Variants in ARHGAP26 observed in about 807,000 individuals in gnomAD.
ARHGAP26 encodes rho GTPase-activating protein 26.
In ARHGAP26, 38 loss-of-function variants were observed where a neutral mutation model predicts 104.8. The observed-to-expected ratio is 0.36, with a 90% CI of 0.28 to 0.48. ARHGAP26 has a LOEUF of 0.48. Ranked by LOEUF, ARHGAP26 falls within the 20% of genes least tolerant of loss-of-function variation. The pLI, the probability that ARHGAP26 is intolerant of heterozygous loss-of-function variation, is 0.99. For missense variants in ARHGAP26, 704 were observed against 947.9 expected (o/e 0.74, Z 3.38); for synonymous variants, 341 against 340.0 (o/e 1.00, Z -0.03).
chr5:143,080,243 T>C (rs1370729008), intron 17 of ARHGAP26, among the ~76,000 whole-genome samples: 1 of 152,208 alleles, frequency 6.6e-6, no homozygotes, highest in African/African-American at 2.4e-5. Context: ...TCTTAGAGCT[T>C]AAAGTTAAAT....
At chr5:142,992,440 A>AT (rs538548504) in intron 11 of ARHGAP26, among the ~76,000 whole-genome samples, 155 of 146,254 alleles carry the variant, frequency 1.1e-3, no homozygotes, top group African/African-American at 2.5e-3. Flanking sequence ...TTTATTTTTT[A>AT]TTTTTTTTTT....
intron 5 of ARHGAP26, among the ~76,000 whole-genome samples, chr5:142,891,887 T>C (rs559829731): frequency 2.4e-4 from 36 of 152,084 alleles, no homozygotes; most frequent in African/African-American, 8.5e-4. Context: ...TTTGAAGGAA[T>C]GATTTGACAC....
chr5:143,020,129 C>T (rs1458087685), intron 12 of ARHGAP26, among the ~76,000 whole-genome samples: 1 of 152,170 alleles, frequency 6.6e-6, no homozygotes, highest in Non-Finnish European at 1.5e-5. Context: ...TCCAGGCTTC[C>T]TGTAGCTCTT....
At chr5:143,216,692 A>T (rs1810396418) in intron 22 of ARHGAP26, 1 of 159,458 alleles carries the variant, frequency 6.3e-6, no homozygotes, top group African/African-American at 2.4e-5. Context: ...GTCATGGCAG[A>T]GTTCGCTGAC....
At chr5:142,910,131 A>C (rs1389433043) in intron 9 of ARHGAP26, among the ~76,000 whole-genome samples, 1 of 152,096 alleles carries the variant, frequency 6.6e-6, no homozygotes, top group Non-Finnish European at 1.5e-5. Context: ...CTTACATTTA[A>C]ATTATGTTTT....
intron 1 of ARHGAP26, among the ~76,000 whole-genome samples, chr5:142,799,132 A>G (rs1406086835): frequency 6.6e-6 from 1 of 152,052 alleles, no homozygotes; most frequent in East Asian, 1.9e-4. Flanking sequence ...GAGTAAAGTA[A>G]TGCTGCAGGT....
intron 11 of ARHGAP26, among the ~76,000 whole-genome samples, chr5:142,935,747 G>A (rs1052154435): frequency 2.0e-5 from 3 of 152,186 alleles, no homozygotes; most frequent in Non-Finnish European, 2.9e-5. Context: ...AAGCATTGTT[G>A]TATGAGGGAA....
At chr5:143,197,927 C>A (rs1049390086) in intron 20 of ARHGAP26, among the ~76,000 whole-genome samples, 1 of 152,244 alleles carries the variant, frequency 6.6e-6, no homozygotes, top group Non-Finnish European at 1.5e-5. Context: ...ATGATAAATT[C>A]CTAACAGTAT....
chr5:142,806,365 G>A (rs565648249), intron 1 of ARHGAP26, among the ~76,000 whole-genome samples: 1 of 152,300 alleles, frequency 6.6e-6, no homozygotes, highest in Non-Finnish European at 1.5e-5. Context: ...ACAGTGCTGG[G>A]ATTACAGGCC....
chr5:143,028,691 A>C (rs1215978708), intron 12 of ARHGAP26, among the ~76,000 whole-genome samples: 1 of 152,200 alleles, frequency 6.6e-6, no homozygotes, highest in Admixed American at 6.5e-5. Context: ...GAGCCTCAAA[A>C]AGGTGAAGCT....
In ARHGAP26 at chr5:143,225,693, A is replaced by C. The variant is rs1213708686; in HGVS notation, c.*3247A>C. The C allele has an allele frequency of 8.8e-6, 2 of 226,104 alleles. No individual in the cohort carries two copies. The highest frequency in any genetic ancestry group is 1.8e-5 in the Non-Finnish European group (2 of 113,434). 14.0% of individuals were successfully genotyped at this position (226,104 alleles called of 1,614,324 possible). On this transcript the variant is annotated 3_prime_UTR_variant, in exon 23 of 23. Coordinates refer to ENST00000645722, the MANE Select transcript of ARHGAP26 (RefSeq NM_001135608.3). ...AATCGGGAGAAACAGAGCTGCTGCC[A>C]ATGGGATCTTTTAGGTAACTCCCTC...
At chr5:142,808,245 A>G (rs867740460) in intron 1 of ARHGAP26, among the ~76,000 whole-genome samples, 7,699 of 106,130 alleles carry the variant, frequency 0.073, 961 homozygotes, top group East Asian at 0.23. Context: ...GGAAAAAAAA[A>G]AAAAAAAAAA....
chr5:143,092,407 G>A (rs967434072), intron 17 of ARHGAP26, among the ~76,000 whole-genome samples: 2 of 151,914 alleles, frequency 1.3e-5, no homozygotes, highest in African/African-American at 4.8e-5. Context: ...CTCGTGATCC[G>A]CCCACCTCGG....
At chr5:142,917,645 A>G (rs545454117) in intron 10 of ARHGAP26, among the ~76,000 whole-genome samples, 22 of 152,346 alleles carry the variant, frequency 1.4e-4, no homozygotes, top group African/African-American at 5.1e-4. Context: ...ATGGCACTGA[A>G]TAGGTGTTCC....
intron 1 of ARHGAP26, among the ~76,000 whole-genome samples, chr5:142,864,848 C>T (rs967823312): frequency 1.5e-4 from 23 of 152,262 alleles, no homozygotes; most frequent in Non-Finnish European, 3.1e-4. Context: ...AAAGGCCACA[C>T]AGCTGGGAAG....
rs1167248651 is a variant in ARHGAP26, at chr5:143,214,225, T to A, written c.2191+137T>A. 5 of 584,324 alleles carry A rather than the reference T, an allele frequency of 8.6e-6. No individual in the cohort carries two copies. In the East Asian group the frequency reaches 1.4e-4, roughly 17 times the overall value. 36.2% of individuals were successfully genotyped at this position (584,324 alleles called of 1,614,324 possible). A position where few individuals can be genotyped will look rare whatever the true frequency, so the allele number is the denominator to read the frequency against. ...GTAAGAAAAAAAGTGTGTGTGCGTC[T>A]GTGTGTGTTGGTTTCTGTGTCTTTT... is the stretch of plus-strand genomic sequence containing the variant. On this transcript the variant is annotated intron_variant, in intron 22 of 22. Coordinates refer to ENST00000645722, the MANE Select transcript of ARHGAP26 (RefSeq NM_001135608.3).
At chr5:143,222,226 C>T (rs1005379031) in intron 22 of ARHGAP26, 132 bp from the exon 23 acceptor site, 8 of 499,722 alleles carry the variant, frequency 1.6e-5, no homozygotes, top group African/African-American at 3.9e-5. Flanking sequence ...TGATTGTACT[C>T]ATTGTCCAAG....
At chr5:142,793,252 C>CT (rs56941301) in intron 1 of ARHGAP26, among the ~76,000 whole-genome samples, 20,774 of 107,098 alleles carry the variant, frequency 0.19, 2,696 homozygotes, top group African/African-American at 0.36. Flanking sequence ...TATCCCTTTG[C>CT]TTTTTTTTTT....
chr5:142,949,203 GAGAGAGAGAGAGAGAGAGGAGA>G (rs1267605959), intron 11 of ARHGAP26, among the ~76,000 whole-genome samples: 23 of 16,218 alleles, frequency 1.4e-3, no homozygotes, highest in Non-Finnish European at 2.3e-3. Flanking sequence ...GAGAGAGAGA[GAGAGAGAGAGAGAGAGAGGAGA>G]GAGAGAGGAG....
Sources: gnomAD v4.1 joint callset for allele counts (sites outside exome capture counted in the v4.1 genomes callset) on GRCh38, gnomAD v4.1.1 for gene constraint, MANE v1.5 for transcripts, NCBI Gene and HGNC (gene_info 2026-07-23, HGNC 2026-07-21) for gene names.